BAZ1A: variants seen among roughly 807,000 people sequenced by gnomAD.
BAZ1A encodes the protein bromodomain adjacent to zinc finger domain 1A, also known as bromodomain adjacent to zinc finger domain protein 1A.
A neutral mutation model predicts 185.2 loss-of-function variants in BAZ1A; 50 were observed. The observed-to-expected ratio is 0.27, with a 90% CI of 0.22 to 0.34. The LOEUF is 0.34. Among genes scored for constraint, BAZ1A ranks in the 10% least tolerant of loss-of-function variants. The probability of loss-of-function intolerance (pLI) is 1.00; values close to 1 mark genes in which losing one functional copy is unlikely to be tolerated. For synonymous variants in BAZ1A, 571 were observed against 615.6 expected (o/e 0.93, Z 1.07); for missense variants, 1,356 against 1,839.9 (o/e 0.74, Z 4.81).
intron 17 of BAZ1A, 77 bp from the exon 18 acceptor site, chr14:34,776,592 C>A (rs1242444214): frequency 7.9e-7 from 1 of 1,261,462 alleles, no homozygotes; most frequent in Non-Finnish European, 1.1e-6. Context: ...CAAAGTTACC[C>A]CAAGTTATTA....
Position 34,776,118 on chromosome 14 carries a change from A to G in BAZ1A, c.2634T>C (p.His878=), listed in dbSNP as rs1257671004. 6.2e-7 allele frequency: 1 copy of G among 1,614,208 alleles called. No individual in the cohort carries two copies. The highest frequency in any genetic ancestry group is 1.1e-5 in the South Asian group (1 of 91,086). The change falls in exon 18 of 27, where the codon CAT becomes CAC. Residue 878 remains histidine, a synonymous_variant. Coordinates refer to ENST00000360310, the MANE Select transcript of BAZ1A (RefSeq NM_013448.3). ...GCACTGGTTTTGGCAGCTGCACAGA[A>G]TGGTCACGTGGACCTTGGTCAATGT... The part of the protein sequence containing the change: ...TSNIDQGPRD[H]SVQLPKPVHK...
chr14:34,800,131 T>A, intron 9 of BAZ1A, 93 bp downstream of exon 9: 1 of 1,163,626 alleles, frequency 8.6e-7, no homozygotes, highest in Non-Finnish European at 1.1e-6. Flanking sequence ...TGAATGAAAG[T>A]AGTAAAAGCA....
chr14:34,864,669 C>T (rs1354856994), intron 2 of BAZ1A, among the ~76,000 whole-genome samples: 1 of 150,606 alleles, frequency 6.6e-6, no homozygotes, highest in Non-Finnish European at 1.5e-5. Flanking sequence ...TTAGTAGAGA[C>T]GGGGTTTCAC....
At chr14:34,811,202 T>C (rs1217008599) in intron 4 of BAZ1A, among the ~76,000 whole-genome samples, 166 bp from the exon 5 acceptor site, 1 of 152,198 alleles carries the variant, frequency 6.6e-6, no homozygotes, top group Non-Finnish European at 1.5e-5. Flanking sequence ...TGGAATGCAA[T>C]GGTGCAGTCT....
Position 34,758,854 on chromosome 14 carries a change from AATAATT to A in BAZ1A, c.4244-14_4244-9del, listed in dbSNP as rs1368973850. ...GTGTCACAGGCGATGGCTCTGAGTA[AATAATT>A]ACAACATTTTAGGTGATAACAAAGC... On this transcript the variant is annotated splice_polypyrimidine_tract_variant and intron_variant, in intron 24 of 26. Coordinates refer to ENST00000360310, the MANE Select transcript of BAZ1A (RefSeq NM_013448.3). 2.5e-6 allele frequency: 4 copies of A among 1,612,056 alleles called. No individual in the cohort carries two copies. The highest frequency in any genetic ancestry group is 2.7e-5 in the African/African-American group (2 of 74,816).
At chr14:34,755,214 AC>A (rs1439476388) in intron 25 of BAZ1A, among the ~76,000 whole-genome samples, 3 of 152,206 alleles carry the variant, frequency 2.0e-5, no homozygotes, top group Non-Finnish European at 4.4e-5. Context: ...AATGTATGTA[AC>A]AAAGTGTACT....
At chr14:34,815,078 G>A (rs17102768) in intron 4 of BAZ1A, among the ~76,000 whole-genome samples, 30,993 of 152,052 alleles carry the variant, frequency 0.2, 3,617 homozygotes, top group Non-Finnish European at 0.26. Context: ...CCTGGCCACA[G>A]ACTATATCTT....
At position 34,811,003 on chromosome 14, in the gene BAZ1A, G is replaced by A. The variant is rs1282460598; in HGVS notation, c.570C>T (p.Phe190=). The change falls in exon 5 of 27, where the codon TTC becomes TTT. Residue 190 remains phenylalanine (F), a synonymous_variant. Transcript: ENST00000360310. ...KKKDAIDPLL[F]KYKVQPTKKE... is the part of the protein sequence containing the mutation. ...TTTTAGTGGGTTGCACTTTATACTTGAATAGTAAGGGATCAATTGCATCTT... is the reference window on the plus strand; with the variant it reads ...TTTTAGTGGGTTGCACTTTATACTTAAATAGTAAGGGATCAATTGCATCTT... 4.4e-6 allele frequency: 7 copies of A among 1,606,982 alleles called. No individual in the cohort carries two copies. In the South Asian group the frequency reaches 6.6e-5, roughly 15 times the overall value.
chr14:34,820,475 T>C (rs1356315810), intron 4 of BAZ1A, among the ~76,000 whole-genome samples: 1 of 152,224 alleles, frequency 6.6e-6, no homozygotes, highest in Non-Finnish European at 1.5e-5. Context: ...TTGTATATTT[T>C]GGATAACAAT....
chr14:34,777,659 A>AG (rs397768252), intron 17 of BAZ1A, among the ~76,000 whole-genome samples: 15 of 150,182 alleles, frequency 1.0e-4, no homozygotes, highest in Admixed American at 8.7e-4. Flanking sequence ...AAAAAAAAAA[A>AG]GGGAAAATTC....
intron 4 of BAZ1A, among the ~76,000 whole-genome samples, chr14:34,814,533 A>G (rs1379236838): frequency 6.6e-6 from 1 of 152,036 alleles, no homozygotes; most frequent in African/African-American, 2.4e-5. Flanking sequence ...CAGTGGCGCA[A>G]TCACGGCTCA....
intron 3 of BAZ1A, among the ~76,000 whole-genome samples, chr14:34,844,967 A>G (rs2042485422): frequency 6.6e-6 from 1 of 151,610 alleles, no homozygotes; most frequent in Admixed American, 6.6e-5. Flanking sequence ...TATTTTTGGA[A>G]TACAGCCATA....
In BAZ1A at chr14:34,786,175, T is replaced by G; in HGVS notation, c.1557A>C (p.Ala519=). The G allele has an allele frequency of 6.2e-7, 1 of 1,613,864 alleles. No individual in the cohort carries two copies. The highest frequency in any genetic ancestry group is 8.5e-7 in the Non-Finnish European group (1 of 1,179,970). ...LDEDADPTKS[A]LSAVASLAAA... ...CTGCCAAAGATGCAACTGCAGACAGTGCAGATTTTGTGGGGTCTGCATCTT... is the reference window on the plus strand; with the variant it reads ...CTGCCAAAGATGCAACTGCAGACAGGGCAGATTTTGTGGGGTCTGCATCTT... The change falls in exon 13 of 27, where the codon GCA becomes GCC. Residue 519 remains alanine, a synonymous_variant. Coordinates refer to ENST00000360310, the MANE Select transcript of BAZ1A (RefSeq NM_013448.3).
intron 4 of BAZ1A, chr14:34,816,937 A>C (rs1844710652): frequency 3.2e-6 from 1 of 311,986 alleles, no homozygotes; most frequent in Admixed American, 3.8e-5. Flanking sequence ...AAAATCTATT[A>C]GTAATTTTTG....
intron 4 of BAZ1A, among the ~76,000 whole-genome samples, chr14:34,820,248 C>T (rs1393273797): frequency 1.3e-5 from 2 of 151,760 alleles, no homozygotes; most frequent in African/African-American, 4.8e-5. Context: ...ACCTCAGCCT[C>T]CCGAGTAGCT....
chr14:34,858,412 T>C (rs751522842), intron 3 of BAZ1A, among the ~76,000 whole-genome samples: 20 of 152,166 alleles, frequency 1.3e-4, no homozygotes, highest in Admixed American at 2.6e-4. Context: ...ATGCCTGTAA[T>C]TGACTATTGA....
At chr14:34,757,734 ATTG>A (rs1886322526) in intron 25 of BAZ1A, among the ~76,000 whole-genome samples, 1 of 138,838 alleles carries the variant, frequency 7.2e-6, no homozygotes, top group Non-Finnish European at 1.6e-5. Context: ...GTCTAACTCT[ATTG>A]TTTTCTTTTT....
intron 12 of BAZ1A, among the ~76,000 whole-genome samples, chr14:34,788,174 C>T (rs1410136173): frequency 2.0e-5 from 3 of 152,066 alleles, no homozygotes; most frequent in African/African-American, 7.2e-5. Flanking sequence ...CCCGCCACCA[C>T]GCCTGGCTAA....
At chr14:34,868,875 T>C (rs2042903947) in intron 2 of BAZ1A, among the ~76,000 whole-genome samples, 1 of 136,862 alleles carries the variant, frequency 7.3e-6, no homozygotes, top group Non-Finnish European at 1.6e-5. Context: ...ACACACTCAT[T>C]CTCTCTATGT....
Sources: allele counts gnomAD v4.1 joint callset (sites outside exome capture counted in the v4.1 genomes callset), GRCh38; gene constraint gnomAD v4.1.1; transcripts MANE v1.5; gene names NCBI Gene and HGNC (gene_info 2026-07-23, HGNC 2026-07-21).